BTBD9: variants seen among roughly 807,000 people sequenced by gnomAD.
The protein encoded by BTBD9 is BTB domain containing 9, also known as BTB/POZ domain-containing protein 9.
BTBD9 carries 49 observed loss-of-function variants against 64.3 expected under a neutral mutation model. The observed-to-expected ratio is 0.76, with a 90% CI of 0.61 to 0.97. BTBD9 has a LOEUF of 0.97. Ranked by LOEUF, BTBD9 falls within the 50% of genes least tolerant of loss-of-function variation. BTBD9 has a pLI of 0.00. For synonymous variants in BTBD9, 260 were observed against 274.7 expected, an observed-to-expected ratio of 0.95 and a Z score of 0.53; for missense variants, 598 against 762.1, an observed-to-expected ratio of 0.78 and a Z score of 2.53.
chr6:38,238,470 G>GTTGT, intron 9 of BTBD9, among the ~76,000 whole-genome samples: 1 of 128,010 alleles, frequency 7.8e-6, no homozygotes, highest in Non-Finnish European at 1.6e-5. Flanking sequence ...GGAGACCAAG[G>GTTGT]TTTTTTGTTT....
rs1485692601 is a variant in BTBD9 at position 38,325,686 on chromosome 6, A to G, written c.1264+19298T>C. On this transcript the variant is annotated intron_variant, in intron 7 of 10. Coordinates refer to ENST00000481247, the MANE Select transcript of BTBD9 (RefSeq NM_001099272.2). ...GGCAACAGAGCAAGACTCCGTCTCAAAAACAAAAAAACAAAACAAAACAAA... is the reference window on the plus strand; with the variant it reads ...GGCAACAGAGCAAGACTCCGTCTCAGAAACAAAAAAACAAAACAAAACAAA... Among the ~76,000 whole-genome samples the G allele has an allele frequency of 1.3e-5, 2 of 152,240 alleles. 1 individual carries two copies. Among genetic ancestry groups the G allele is most frequent in the Non-Finnish European group, 2.9e-5 (2 of 68,034 alleles).
At chr6:38,581,797 A>C (rs1396165145) in intron 4 of BTBD9, among the ~76,000 whole-genome samples, 2 of 152,210 alleles carry the variant, frequency 1.3e-5, no homozygotes, top group African/African-American at 4.8e-5. Flanking sequence ...TCTGTTTAAG[A>C]ATTAAATGAG....
In BTBD9 at chr6:38,288,292, C is replaced by T. The variant is rs181693343; in HGVS notation, c.1434G>A (p.Pro478=). 40 of 1,614,016 alleles carry T rather than the reference C, an allele frequency of 2.5e-5. No individual in the cohort carries two copies. The Middle Eastern group carries it at 1.2e-3, about 47-fold the overall frequency. ...SGAIVVQLAQ[P]YMIGSIRLLL... ...CTTACCGTATTGACCCAATCATGTA[C>T]GGTTGTGCCAACTGAACCACAATCG... The change falls in exon 8 of 11, where the codon CCG becomes CCA. Residue 478 remains proline (P), a synonymous_variant. Coordinates refer to ENST00000481247, the MANE Select transcript of BTBD9 (RefSeq NM_001099272.2).
At chr6:38,610,741 T>G (rs1777589453) in intron 1 of BTBD9, among the ~76,000 whole-genome samples, 1 of 152,192 alleles carries the variant, frequency 6.6e-6, no homozygotes, top group Admixed American at 6.5e-5. Context: ...ATCATGTATG[T>G]AGGAAACAAT....
At chr6:38,357,104 T>A (rs1199564637) in intron 6 of BTBD9, among the ~76,000 whole-genome samples, 1 of 152,188 alleles carries the variant, frequency 6.6e-6, no homozygotes, top group African/African-American at 2.4e-5. Flanking sequence ...AATTTCCAAT[T>A]TTCCATCAGG....
intron 6 of BTBD9, among the ~76,000 whole-genome samples, chr6:38,479,485 T>C (rs1771034333): frequency 6.6e-6 from 1 of 152,092 alleles, no homozygotes; most frequent in Non-Finnish European, 1.5e-5. Flanking sequence ...GTTATTACAA[T>C]CTTTGGAAGA....
intron 6 of BTBD9, among the ~76,000 whole-genome samples, chr6:38,509,237 T>A (rs10947740): frequency 0.17 from 25,144 of 152,240 alleles, 2,824 homozygotes; most frequent in East Asian, 0.48. Context: ...CAAGTTTGGA[T>A]GTTCTTCTGC....
chr6:38,396,903 T>C (rs971439113), intron 6 of BTBD9, among the ~76,000 whole-genome samples: 191 of 142,452 alleles, frequency 1.3e-3, no homozygotes, highest in South Asian at 3.4e-3. Flanking sequence ...TTTTCTTTTT[T>C]TTTTTTTTTT....
At chr6:38,536,383 T>C (rs568732598) in intron 6 of BTBD9, among the ~76,000 whole-genome samples, 43 of 152,184 alleles carry the variant, frequency 2.8e-4, no homozygotes, top group Non-Finnish European at 4.3e-4. Context: ...GGTGGAAATG[T>C]ACATTAGTAC....
Position 38,368,142 on chromosome 6 carries a change from AC to A in BTBD9, c.1155-23050del, listed in dbSNP as rs1765257661. Among the ~76,000 whole-genome samples, 3 of 152,318 alleles carry A rather than the reference AC, an allele frequency of 2.0e-5. No homozygotes were observed. In the South Asian group the frequency reaches 6.2e-4, roughly 32 times the overall value. ...TTACTGCCTTAAGGAAGCTTTTAAG[AC>A]ATTTTTAATCACTCCCCACTTTGAA... On this transcript the variant is annotated intron_variant, in intron 6 of 10. Transcript: ENST00000481247.
At chr6:38,292,918 C>T (rs995536919) in intron 7 of BTBD9, among the ~76,000 whole-genome samples, 2 of 152,158 alleles carry the variant, frequency 1.3e-5, no homozygotes, top group South Asian at 2.1e-4. Context: ...GTTAGGGTGT[C>T]GATTTTAGGC....
intron 7 of BTBD9, among the ~76,000 whole-genome samples, chr6:38,310,322 C>A (rs1414685672): frequency 2.0e-5 from 3 of 152,136 alleles, no homozygotes; most frequent in Non-Finnish European, 2.9e-5. Context: ...GCCTCCTGAG[C>A]TGTGAACTTG....
Position 38,577,590 on chromosome 6 carries a change from G to A in BTBD9, c.1154+10C>T. 1 of 1,594,580 alleles carries A rather than the reference G, an allele frequency of 6.3e-7. No homozygotes were observed. Among genetic ancestry groups the A allele is most frequent in the Non-Finnish European group, 8.5e-7 (1 of 1,176,292 alleles). ...GAATAAAAATCATTTATTAACCACT[G>A]AAAACTAACCTGCAGACACGGGCTG... On this transcript the variant is annotated intron_variant, in intron 6 of 10. Transcript: ENST00000481247.
At chr6:38,487,110 A>G (rs1771471770) in intron 6 of BTBD9, among the ~76,000 whole-genome samples, 2 of 152,250 alleles carry the variant, frequency 1.3e-5, no homozygotes, top group African/African-American at 4.8e-5. Context: ...AGCACAAAGG[A>G]CACAATATAA....
At chr6:38,500,407 T>G (rs1273651020) in intron 6 of BTBD9, among the ~76,000 whole-genome samples, 1 of 152,248 alleles carries the variant, frequency 6.6e-6, no homozygotes, top group Non-Finnish European at 1.5e-5. Flanking sequence ...TAATTTCATC[T>G]GGGTTTTTCA....
intron 6 of BTBD9, among the ~76,000 whole-genome samples, chr6:38,448,614 T>C (rs1428960679): frequency 6.6e-6 from 1 of 152,122 alleles, no homozygotes; most frequent in Non-Finnish European, 1.5e-5. Flanking sequence ...ACCTCTTGGG[T>C]TCATACAATT....
intron 1 of BTBD9, among the ~76,000 whole-genome samples, chr6:38,633,045 G>C (rs905275497): frequency 2.0e-5 from 3 of 152,184 alleles, no homozygotes; most frequent in African/African-American, 7.2e-5. Flanking sequence ...CTTCATAGGA[G>C]AATCAGCACT....
chr6:38,441,133 G>A (rs1038302079), intron 6 of BTBD9, among the ~76,000 whole-genome samples: 1 of 152,184 alleles, frequency 6.6e-6, no homozygotes, highest in Non-Finnish European at 1.5e-5. Context: ...AAGGAGCACA[G>A]AAACACTGGG....
intron 9 of BTBD9, among the ~76,000 whole-genome samples, chr6:38,212,771 GTGAGCTC>G (rs1374079030): frequency 9.2e-5 from 14 of 151,664 alleles, no homozygotes; most frequent in African/African-American, 2.7e-4. Context: ...AGGAGGGCAG[GTGAGCTC>G]TGAAAAGCCT....
Sources: allele counts gnomAD v4.1 joint callset (sites outside exome capture counted in the v4.1 genomes callset), GRCh38; gene constraint gnomAD v4.1.1; transcripts MANE v1.5; gene names NCBI Gene and HGNC (gene_info 2026-07-23, HGNC 2026-07-21).